Variants in USP15 observed in about 807,000 individuals in gnomAD.
USP15 encodes ubiquitin specific peptidase 15.
Under a neutral mutation model 127.1 loss-of-function variants are expected in USP15, and 18 were observed. The ratio of observed to expected loss-of-function variants is 0.14; its 90% CI spans 0.10 to 0.21. The LOEUF is 0.21. USP15 is among the 10% of genes least tolerant of loss of function. The pLI, the probability that USP15 is intolerant of heterozygous loss-of-function variation, is 1.00. For missense variants in USP15, 805 were observed against 1,159.9 expected, an observed-to-expected ratio of 0.69 and a Z score of 4.44; for synonymous variants, 364 against 393.7, an observed-to-expected ratio of 0.92 and a Z score of 0.89.
At chr12:62,331,116 A>G (rs2065285048) in intron 6 of USP15, among the ~76,000 whole-genome samples, 1 of 152,180 alleles carries the variant, frequency 6.6e-6, no homozygotes, top group Admixed American at 6.5e-5. Context: ...CTGGCCTTCA[A>G]GATGGCATGA....
chr12:62,316,228 T>C (rs1471733630), intron 4 of USP15, among the ~76,000 whole-genome samples: 1 of 145,320 alleles, frequency 6.9e-6, no homozygotes, highest in African/African-American at 2.6e-5. Context: ...GAGGTTGCAG[T>C]GGGCCGAAAC....
intron 1 of USP15, among the ~76,000 whole-genome samples, chr12:62,272,916 C>G (rs1249877789): frequency 6.6e-6 from 1 of 151,142 alleles, no homozygotes; most frequent in Non-Finnish European, 1.5e-5. Flanking sequence ...GTGAGGTAGT[C>G]CCAGTGGTCT....
chr12:62,390,046 G>A, intron 14 of USP15, 58 bp downstream of exon 14: 1 of 1,418,052 alleles, frequency 7.1e-7, no homozygotes, highest in Non-Finnish European at 9.3e-7. Flanking sequence ...ATATAAAATA[G>A]CTAATAAAAA....
intron 20 of USP15, among the ~76,000 whole-genome samples, chr12:62,398,494 G>C (rs1356789491): frequency 6.6e-6 from 1 of 152,124 alleles, no homozygotes; most frequent in Non-Finnish European, 1.5e-5. Context: ...CTGTACTTCA[G>C]ATTTTCATTA....
intron 1 of USP15, among the ~76,000 whole-genome samples, chr12:62,282,492 T>C (rs911055957): frequency 3.9e-5 from 6 of 152,166 alleles, no homozygotes. Flanking sequence ...CTTTTTGTAA[T>C]AGTGTGAGAT....
chr12:62,275,319 A>T (rs1053318761), intron 1 of USP15, among the ~76,000 whole-genome samples: 1 of 152,026 alleles, frequency 6.6e-6, no homozygotes, highest in African/African-American at 2.4e-5. Flanking sequence ...GTGAAAGAAG[A>T]AATCAAAGAG....
At chr12:62,388,851 C>T (rs540323787) in intron 11 of USP15, among the ~76,000 whole-genome samples, 45 of 152,110 alleles carry the variant, frequency 3.0e-4, no homozygotes, top group South Asian at 1.7e-3. Flanking sequence ...AAAGTGGGGC[C>T]GGGTGCAGTG....
At chr12:62,316,290 A>G (rs1307501622) in intron 4 of USP15, among the ~76,000 whole-genome samples, 1 of 151,906 alleles carries the variant, frequency 6.6e-6, no homozygotes, top group Non-Finnish European at 1.5e-5. Flanking sequence ...TCTCAAAAAA[A>G]AAAAAAAAAG....
chr12:62,293,849 A>C (rs1041455740), intron 1 of USP15, among the ~76,000 whole-genome samples: 2 of 152,084 alleles, frequency 1.3e-5, no homozygotes, highest in African/African-American at 4.8e-5. Context: ...CATTTTTTCT[A>C]TTTACCATAT....
rs143786294 is a variant in USP15, at chr12:62,285,532, A to G, written c.90-8647A>G. 3.6e-4 allele frequency among the ~76,000 whole-genome samples: 54 copies of G among 151,974 alleles called. No individual in the cohort carries two copies. The South Asian group carries it at 0.011, about 30-fold the overall frequency. On this transcript the variant is annotated intron_variant, in intron 1 of 21. Coordinates refer to ENST00000280377, the MANE Select transcript of USP15 (RefSeq NM_001252078.2). Reference sequence around the variant, plus strand: ...ATTGTCTTTATCCAGTCATCCATTTATGGACACTTAAAGTGTTTCCTAAGA... The same window carrying G: ...ATTGTCTTTATCCAGTCATCCATTTGTGGACACTTAAAGTGTTTCCTAAGA...
intron 7 of USP15, among the ~76,000 whole-genome samples, chr12:62,354,681 A>C (rs1267139443): frequency 6.6e-6 from 1 of 151,994 alleles, no homozygotes; most frequent in East Asian, 1.9e-4. Flanking sequence ...TGATTAAATA[A>C]ACTACATTGT....
chr12:62,271,024 C>T (rs894389446), intron 1 of USP15, among the ~76,000 whole-genome samples: 1 of 151,940 alleles, frequency 6.6e-6, no homozygotes, highest in African/African-American at 2.4e-5. Context: ...ATCTCTCTTC[C>T]ACTCCTAATC....
chr12:62,410,242 A>G lies in USP15; in HGVS notation c.*5867A>G, dbSNP rs1038497702. On this transcript the variant is annotated 3_prime_UTR_variant, in exon 22 of 22. Transcript: ENST00000280377. ...AAAAGACCGCGACCTCCAGCCAGTC[A>G]TTCAGTTCTTGAACTCCCTAATAGA... is the stretch of plus-strand genomic sequence containing the variant. The G allele has an allele frequency of 3.3e-5, 5 of 152,176 alleles. No homozygotes were observed. Among genetic ancestry groups the G allele is most frequent in the South Asian group, 2.1e-4 (1 of 4,832 alleles). 9.4% of individuals were successfully genotyped at this position (152,176 alleles called of 1,614,324 possible).
chr12:62,364,570 A>G (rs188076828), intron 8 of USP15, among the ~76,000 whole-genome samples: 12 of 151,926 alleles, frequency 7.9e-5, no homozygotes, highest in African/African-American at 2.4e-4. Context: ...CTTTTTTATC[A>G]TATTATTATA....
At chr12:62,272,038 T>C (rs773867780) in intron 1 of USP15, among the ~76,000 whole-genome samples, 1 of 151,794 alleles carries the variant, frequency 6.6e-6, no homozygotes, top group Non-Finnish European at 1.5e-5. Context: ...TTCTGAGTCT[T>C]AGTTTGTGGT....
chr12:62,309,939 G>A (rs2064609707), intron 3 of USP15, among the ~76,000 whole-genome samples: 1 of 151,742 alleles, frequency 6.6e-6, no homozygotes, highest in South Asian at 2.1e-4. Context: ...AAGAATAACT[G>A]TGTTAGAAAT....
intron 7 of USP15, among the ~76,000 whole-genome samples, chr12:62,350,035 G>A (rs1301457236): frequency 6.6e-6 from 1 of 151,460 alleles, no homozygotes; most frequent in Non-Finnish European, 1.5e-5. Context: ...TTTTTGACAT[G>A]TATAGTGCCT....
At chr12:62,391,669 T>C in intron 16 of USP15, 147 bp from the exon 17 acceptor site, 2 of 894,058 alleles carry the variant, frequency 2.2e-6, no homozygotes, top group Non-Finnish European at 3.3e-6. Flanking sequence ...ATTATTTCAA[T>C]GGCTTGGAAA....
intron 7 of USP15, among the ~76,000 whole-genome samples, chr12:62,353,124 A>C (rs1175435101): frequency 6.6e-6 from 1 of 152,058 alleles, no homozygotes; most frequent in Non-Finnish European, 1.5e-5. Context: ...TTTAGAGCAC[A>C]CATAATATGT....
Sources: gnomAD v4.1 joint callset for allele counts (sites outside exome capture counted in the v4.1 genomes callset) on GRCh38, gnomAD v4.1.1 for gene constraint, MANE v1.5 for transcripts, NCBI Gene and HGNC (gene_info 2026-07-23, HGNC 2026-07-21) for gene names.